The following PSMA8 variants were observed in gnomAD, a reference collection of about 807,000 sequenced individuals.
PSMA8 encodes the protein proteasome subunit alpha-type 8.
PSMA8 carries 18 observed loss-of-function variants against 32.4 expected under a neutral mutation model. That is an observed-to-expected ratio of 0.56 (90% CI 0.38 to 0.82). The LOEUF (loss-of-function observed/expected upper bound fraction) is 0.82. Among genes scored for constraint, PSMA8 ranks in the 40% least tolerant of loss-of-function variants. The probability of loss-of-function intolerance (pLI) is 0.00; values close to 1 mark genes in which losing one functional copy is unlikely to be tolerated. For missense variants in PSMA8, 298 were observed against 300.7 expected, an observed-to-expected ratio of 0.99 and a Z score of 0.07; for synonymous variants, 104 against 98.1, an observed-to-expected ratio of 1.06 and a Z score of -0.36.
intron 6 of PSMA8, among the ~76,000 whole-genome samples, chr18:26,190,978 A>C (rs1333884344): frequency 6.6e-6 from 1 of 152,220 alleles, no homozygotes; most frequent in East Asian, 1.9e-4. Flanking sequence ...ATTTCATAAA[A>C]CGTTCAAATA....
intron 2 of PSMA8, among the ~76,000 whole-genome samples, chr18:26,148,200 G>A (rs1411671687): frequency 2.0e-5 from 3 of 151,990 alleles, no homozygotes; most frequent in African/African-American, 4.8e-5. Context: ...TAATGCCAAA[G>A]CCAAAGACAT....
At chr18:26,144,761 T>C in intron 2 of PSMA8, 76 bp downstream of exon 2, 2 of 1,349,314 alleles carry the variant, frequency 1.5e-6, no homozygotes, top group Non-Finnish European at 2.1e-6. Flanking sequence ...AGTGCTGCAG[T>C]TGTGCTATAT....
rs189062731 is a variant in PSMA8, at chr18:26,185,864, C to T, written c.661-6455C>T. On this transcript the variant is annotated intron_variant, in intron 6 of 6. Coordinates refer to ENST00000415576, the MANE Select transcript of PSMA8 (RefSeq NM_001025096.2). ...CTTATTTGTTTTCATTTTTAATGGA[C>T]TCCACATGAAAATATTACAAATCCT... Among the ~76,000 whole-genome samples the T allele has an allele frequency of 4.5e-3, 680 of 150,628 alleles. 34 individuals are homozygous for T. The highest frequency in any genetic ancestry group is 9.2e-3 in the South Asian group (44 of 4,796).
rs1459950965 is a variant in PSMA8 at position 26,137,256 on chromosome 18, G to C, written c.102+3189G>C. 2.0e-5 allele frequency among the ~76,000 whole-genome samples: 3 copies of C among 152,174 alleles called. No homozygotes were observed. The East Asian group carries it at 5.8e-4, about 29-fold the overall frequency. On this transcript the variant is annotated intron_variant, in intron 1 of 6. Coordinates refer to ENST00000415576, the MANE Select transcript of PSMA8 (RefSeq NM_001025096.2). ...GTGGATCACTGGAGGTCAGGAGTTT[G>C]AGACCAGCCTGGCCAACATGGTGAT...
intron 6 of PSMA8, among the ~76,000 whole-genome samples, chr18:26,181,971 G>A (rs991551395): frequency 2.0e-5 from 3 of 151,502 alleles, no homozygotes; most frequent in African/African-American, 4.8e-5. Flanking sequence ...AGGTTTTAGT[G>A]GCCTGGCTGG....
intron 4 of PSMA8, among the ~76,000 whole-genome samples, chr18:26,161,132 C>T (rs991128278): frequency 2.6e-5 from 4 of 152,128 alleles, no homozygotes; most frequent in African/African-American, 9.7e-5. Context: ...CTTGTAGTTC[C>T]GTGAAATTAT....
chr18:26,143,397 C>T (rs2144276166), intron 1 of PSMA8, among the ~76,000 whole-genome samples: 2 of 152,236 alleles, frequency 1.3e-5, no homozygotes, highest in South Asian at 4.1e-4. Context: ...CTGCCTTGTA[C>T]CCTGAACTGC....
chr18:26,158,083 C>T, intron 3 of PSMA8, 39 bp from the exon 4 acceptor site: 1 of 1,399,154 alleles, frequency 7.1e-7, no homozygotes, highest in Non-Finnish European at 9.9e-7. Flanking sequence ...TATTTTGTAA[C>T]TAATAGTTTT....
intron 1 of PSMA8, among the ~76,000 whole-genome samples, chr18:26,142,154 C>T (rs1353234230): frequency 6.6e-6 from 1 of 151,372 alleles, no homozygotes; most frequent in African/African-American, 2.4e-5. Context: ...ATTCTCCTAC[C>T]TCAGCCTCCC....
At chr18:26,180,297 A>G (rs1568069894) in intron 6 of PSMA8, among the ~76,000 whole-genome samples, 1 of 152,194 alleles carries the variant, frequency 6.6e-6, no homozygotes, top group Non-Finnish European at 1.5e-5. Context: ...TTTGGTTTTA[A>G]GGAAAATATT....
chr18:26,145,182 G>A (rs900085595), intron 2 of PSMA8, among the ~76,000 whole-genome samples: 27 of 152,010 alleles, frequency 1.8e-4, no homozygotes, highest in African/African-American at 5.8e-4. Context: ...GCAATGGCGC[G>A]ATCTCTGCTC....
At chr18:26,175,653 A>G (rs558798398) in intron 4 of PSMA8, among the ~76,000 whole-genome samples, 2 of 152,312 alleles carry the variant, frequency 1.3e-5, no homozygotes, top group South Asian at 4.1e-4. Context: ...CTGGAGGTGT[A>G]TGGGGCAGTA....
At chr18:26,137,671 T>A (rs941252650) in intron 1 of PSMA8, among the ~76,000 whole-genome samples, 1 of 152,216 alleles carries the variant, frequency 6.6e-6, no homozygotes, top group Non-Finnish European at 1.5e-5. Context: ...GTTGAATACT[T>A]ACATATGCTA....
At chr18:26,147,966 C>T (rs1350058684) in intron 2 of PSMA8, among the ~76,000 whole-genome samples, 2 of 152,070 alleles carry the variant, frequency 1.3e-5, no homozygotes, top group Non-Finnish European at 2.9e-5. Context: ...TTGAAACACA[C>T]CTTGCTCAAT....
chr18:26,156,129 T>C (rs909126471), intron 3 of PSMA8, among the ~76,000 whole-genome samples: 6 of 152,172 alleles, frequency 3.9e-5, no homozygotes, highest in African/African-American at 1.4e-4. Flanking sequence ...GAATGGCTAT[T>C]ATCAAAAAGA....
chr18:26,180,023 G>A (rs2055297811), intron 6 of PSMA8, among the ~76,000 whole-genome samples: 1 of 152,084 alleles, frequency 6.6e-6, no homozygotes, highest in Non-Finnish European at 1.5e-5. Flanking sequence ...GGCTGAGGCG[G>A]ATGGATCACT....
At chr18:26,187,581 T>A (rs59077772) in intron 6 of PSMA8, among the ~76,000 whole-genome samples, 24,331 of 150,640 alleles carry the variant, frequency 0.16, 3,124 homozygotes, top group African/African-American at 0.35. Context: ...AAAAAAGAGA[T>A]GGAAAAAGAT....
chr18:26,144,547 AT>A lies in PSMA8; in HGVS notation c.103-11del, dbSNP rs1348637724. ...GACATCTGAATATATATGTATTTTA[AT>A]GACTTGACAGGTCGGAATTCGAGGT... On this transcript the variant is annotated splice_polypyrimidine_tract_variant and intron_variant, in intron 1 of 6. Transcript: ENST00000415576. 5 of 1,608,402 alleles carry A rather than the reference AT, an allele frequency of 3.1e-6. No homozygotes were observed. In the Admixed American group the frequency reaches 8.4e-5, roughly 27 times the overall value.
intron 2 of PSMA8, among the ~76,000 whole-genome samples, chr18:26,150,704 C>T (rs982590668): frequency 6.6e-6 from 1 of 152,204 alleles, no homozygotes; most frequent in African/African-American, 2.4e-5. Context: ...CTATGTTGCT[C>T]ATATACTTTG....
Sources: allele counts gnomAD v4.1 joint callset (sites outside exome capture counted in the v4.1 genomes callset), GRCh38; gene constraint gnomAD v4.1.1; transcripts MANE v1.5; gene names NCBI Gene and HGNC (gene_info 2026-07-23, HGNC 2026-07-21).